ARHGAP11A: variants seen among roughly 807,000 people sequenced by gnomAD.
ARHGAP11A encodes Rho GTPase activating protein 11A, also known as rho GTPase-activating protein 11A.
In ARHGAP11A, 36 loss-of-function variants were observed where a neutral mutation model predicts 60.5. The observed-to-expected ratio is 0.59, with a 90% confidence interval of 0.46 to 0.79. ARHGAP11A has a LOEUF of 0.79. Ranked by LOEUF, ARHGAP11A falls within the 30% of genes least tolerant of loss-of-function variation. The pLI is 0.00. For synonymous variants in ARHGAP11A, 362 were observed against 415.5 expected, an observed-to-expected ratio of 0.87 and a Z score of 1.57; for missense variants, 1,071 against 1,199.2, an observed-to-expected ratio of 0.89 and a Z score of 1.58.
rs2053795569 is a variant in ARHGAP11A at position 32,639,327 on chromosome 15, A to G, written c.*1482A>G. ...TGCCACTCGGAGCAACCAGACTTAC[A>G]GCATAAGTATGTACGAGGAATTTCA... is the stretch of plus-strand genomic sequence containing the variant. On this transcript the variant is annotated 3_prime_UTR_variant, in exon 12 of 12. Coordinates refer to ENST00000361627, the MANE Select transcript of ARHGAP11A (RefSeq NM_014783.6). 6.6e-6 allele frequency: 1 copy of G among 152,190 alleles called. No individual in the cohort carries two copies. The highest frequency in any genetic ancestry group is 1.5e-5 in the Non-Finnish European group (1 of 68,026). The allele number at this position is 152,190 out of a possible 1,614,324, so 9.4% of individuals were successfully genotyped here. A position where few individuals can be genotyped will look rare whatever the true frequency, so the allele number is the denominator to read the frequency against.
intron 2 of ARHGAP11A, 37 bp from the exon 3 acceptor site, chr15:32,623,455 A>G (rs755095933): frequency 7.0e-6 from 11 of 1,575,838 alleles, no homozygotes; most frequent in Non-Finnish European, 5.2e-6. Context: ...AGGATGTGAT[A>G]TGTATGTCTA....
intron 2 of ARHGAP11A, among the ~76,000 whole-genome samples, chr15:32,620,750 A>G (rs1283422054): frequency 1.3e-5 from 2 of 152,142 alleles, no homozygotes; most frequent in East Asian, 1.9e-4. Context: ...ATTCAGTAAT[A>G]ATTTTGACTT....
In ARHGAP11A at chr15:32,637,725, G is replaced by A. The variant is rs1437700571; in HGVS notation, c.2952G>A (p.Gly984=). The A allele has an allele frequency of 6.2e-7, 1 of 1,614,052 alleles. No individual in the cohort carries two copies. Among genetic ancestry groups the A allele is most frequent in the African/African-American group, 1.3e-5 (1 of 74,910 alleles). Residue 984 remains glycine (G), a synonymous_variant, in exon 12 of 12, where the codon GGG becomes GGA. Coordinates refer to ENST00000361627, the MANE Select transcript of ARHGAP11A (RefSeq NM_014783.6). ...VVNNNMGISS[G]INNRVLRRPS... is the part of the protein sequence containing the mutation. The stretch of plus-strand genomic sequence containing the variant: ...ATAACAACATGGGCATTTCTTCTGG[G>A]ATAAATAACAGGGTCCTTAGGAGAC...
chr15:32,634,039 G>C lies in ARHGAP11A; in HGVS notation c.1342G>C (p.Val448Leu). The C allele has an allele frequency of 6.3e-7, 1 of 1,593,182 alleles. No homozygotes were observed. Among genetic ancestry groups the C allele is most frequent in the Non-Finnish European group, 8.5e-7 (1 of 1,169,614 alleles). Residue 448 changes from valine (V) to leucine (L), a missense_variant and splice_region_variant, in exon 10 of 12, where the codon GTA (valine) becomes CTA (leucine). This residue lies in a region of ARHGAP11A where 776 missense variants were observed against 760.2 expected (regional missense o/e 1.02). Transcript: ENST00000361627. ...CAATCTAGGGAAAAATGGCAGAGAA[G>C]TAGTAAGTTTCTTACCATTTTATTG... ...KFNLGKNGRE[V>L]NGCSGVNRYE...
chr15:32,628,847 G>C, intron 7 of ARHGAP11A, 45 bp downstream of exon 7: 1 of 1,321,802 alleles, frequency 7.6e-7, no homozygotes, highest in Non-Finnish European at 1.0e-6. Context: ...AATTTGTATA[G>C]TATTCTATAA....
intron 9 of ARHGAP11A, 49 bp from the exon 10 acceptor site, chr15:32,633,884 C>A (rs2053642460): frequency 8.8e-7 from 1 of 1,140,528 alleles, no homozygotes; most frequent in Non-Finnish European, 1.3e-6. Flanking sequence ...TCAAGTATTT[C>A]TCTGGTGTTT....
intron 1 of ARHGAP11A, among the ~76,000 whole-genome samples, chr15:32,617,514 C>T (rs1023264487): frequency 2.7e-5 from 4 of 145,512 alleles, no homozygotes; most frequent in Non-Finnish European, 4.5e-5. Context: ...CTCTGTCGCC[C>T]AGGCTGGAGT....
intron 2 of ARHGAP11A, 28 bp downstream of exon 2, chr15:32,620,206 C>T (rs753480218): frequency 2.3e-5 from 37 of 1,600,660 alleles, no homozygotes; most frequent in East Asian, 2.2e-5. Flanking sequence ...TGAAGAAGGC[C>T]GGGTGCAGTG....
chr15:32,620,949 T>C (rs1329689750), intron 2 of ARHGAP11A, among the ~76,000 whole-genome samples: 1 of 152,166 alleles, frequency 6.6e-6, no homozygotes, highest in Admixed American at 6.5e-5. Flanking sequence ...TGTGCACCTG[T>C]AGTCCCAGCT....
intron 2 of ARHGAP11A, among the ~76,000 whole-genome samples, chr15:32,622,332 C>G (rs2053353805): frequency 6.6e-6 from 1 of 152,244 alleles, no homozygotes; most frequent in African/African-American, 2.4e-5. Context: ...GTGGGAGGAT[C>G]ACTTGCGCCC....
intron 10 of ARHGAP11A, 150 bp downstream of exon 10, chr15:32,634,191 T>G: frequency 1.6e-6 from 1 of 609,116 alleles, no homozygotes. Flanking sequence ...GATATCAAAT[T>G]TCCTTGCATT....
chr15:32,617,163 C>T (rs923811827), intron 1 of ARHGAP11A, among the ~76,000 whole-genome samples: 1 of 152,058 alleles, frequency 6.6e-6, no homozygotes, highest in East Asian at 1.9e-4. Context: ...CTTCCTAGTA[C>T]TTGGAGACAA....
Position 32,636,890 on chromosome 15 carries a change from A to G in ARHGAP11A, c.2117A>G (p.Asn706Ser), listed in dbSNP as rs776814252. 3 of 1,613,380 alleles carry G rather than the reference A, an allele frequency of 1.9e-6. No homozygotes were observed. The highest frequency in any genetic ancestry group is 2.2e-5 in the South Asian group (2 of 90,806). Residue 706 changes from asparagine (N) to serine (S), a missense_variant, in exon 12 of 12, where the codon AAT becomes AGT. Transcript: ENST00000361627. ...KMEHEKDIHS[N>S]MPKDYLSKQE... ...GAACATGAAAAAGACATTCATTCAA[A>G]TATGCCAAAAGATTATTTAAGCAAG...
In ARHGAP11A at chr15:32,628,548, A is replaced by G. The variant is rs565770184; in HGVS notation, c.863-180A>G. Among the ~76,000 whole-genome samples the G allele has an allele frequency of 3.3e-5, 5 of 152,280 alleles. No homozygotes were observed. In the South Asian group the frequency reaches 1.0e-3, roughly 32 times the overall value. On this transcript the variant is annotated intron_variant, in intron 6 of 11. Transcript: ENST00000361627. ...AGGGATATGGAAGTATAAGTGGGGA[A>G]TGGAATAAAAATATATCCTTTAGTA...
At chr15:32,623,880 G>T (rs138449422) in intron 3 of ARHGAP11A, among the ~76,000 whole-genome samples, 1,822 of 152,144 alleles carry the variant, frequency 0.012, 16 homozygotes, top group Middle Eastern at 0.024. Context: ...AGGAGTGATA[G>T]AGCTGAGTGT....
rs1459731544 is a variant in ARHGAP11A, at chr15:32,625,141, C to A, written c.613C>A (p.Gln205Lys). 6.2e-7 allele frequency: 1 copy of A among 1,613,780 alleles called. No individual in the cohort carries two copies. The highest frequency in any genetic ancestry group is 1.3e-5 in the African/African-American group (1 of 74,908). ...LAVIFAPNLLQTSEGHEKMSS... is the reference protein window; with the variant it reads ...LAVIFAPNLLKTSEGHEKMSS... ...AGTAATATTTGCACCGAATCTTCTT[C>A]AGACAAGTGAAGGACATGAAAAGAT... The change falls in exon 5 of 12, where the codon CAG becomes AAG. Residue 205 changes from glutamine to lysine, a missense_variant. By Grantham distance (53) the Gln-to-Lys change is moderately conservative (BLOSUM62 1). This residue lies in a region of ARHGAP11A where 196 missense variants were observed against 272.1 expected (regional missense o/e 0.72). Transcript: ENST00000361627.
chr15:32,618,009 A>G (rs929645899), intron 1 of ARHGAP11A, among the ~76,000 whole-genome samples: 2 of 152,204 alleles, frequency 1.3e-5, no homozygotes, highest in Admixed American at 6.5e-5. Flanking sequence ...CCACTTCTTC[A>G]TCTAATGATA....
Position 32,616,004 on chromosome 15 carries a change from G to T in ARHGAP11A, c.-208G>T, listed in dbSNP as rs2053129689. On this transcript the variant is annotated 5_prime_UTR_variant, in exon 1 of 12. Coordinates refer to ENST00000361627, the MANE Select transcript of ARHGAP11A (RefSeq NM_014783.6). ...AGGTGTGGCTGGATCAAAGGGCTAA[G>T]AGAAGCGGGTCTGTGTAAGTGGATG... The T allele has an allele frequency of 3.1e-6, 2 of 654,578 alleles. No individual in the cohort carries two copies. The highest frequency in any genetic ancestry group is 6.2e-5 in the Admixed American group (2 of 32,334). 40.5% of individuals were successfully genotyped at this position (654,578 alleles called of 1,614,324 possible). A position where few individuals can be genotyped will look rare whatever the true frequency, so the allele number is the denominator to read the frequency against.
Position 32,637,674 on chromosome 15 carries a change from T to C in ARHGAP11A, c.2901T>C (p.Asn967=). 6.2e-7 allele frequency: 1 copy of C among 1,614,208 alleles called. No homozygotes were observed. The highest frequency in any genetic ancestry group is 8.5e-7 in the Non-Finnish European group (1 of 1,180,022). ...QVKVPLDDLT[N]HDIVKPVVNN... ...AGGTTCCCTTGGATGATCTGACTAA[T>C]CATGATATAGTAAAACCAGTTGTAA... Residue 967 remains asparagine (N), a synonymous_variant, in exon 12 of 12, where the codon AAT becomes AAC. Transcript: ENST00000361627.
Sources: gnomAD v4.1 joint callset for allele counts (sites outside exome capture counted in the v4.1 genomes callset) on GRCh38, gnomAD v4.1.1 for gene constraint, gnomAD v4.1.1 regional missense constraint, MANE v1.5 for transcripts, NCBI Gene and HGNC (gene_info 2026-07-23, HGNC 2026-07-21) for gene names.